ADAMTS12: variants seen among roughly 807,000 people sequenced by gnomAD.
ADAMTS12 encodes the protein ADAM metallopeptidase with thrombospondin type 1 motif 12.
Under a neutral mutation model 167.8 loss-of-function variants are expected in ADAMTS12, and 118 were observed. The ratio of observed to expected loss-of-function variants is 0.70; its 90% CI spans 0.61 to 0.82. The LOEUF (loss-of-function observed/expected upper bound fraction) is 0.82, where lower values mean the gene tolerates loss of function less well. Among genes scored for constraint, ADAMTS12 ranks in the 40% least tolerant of loss-of-function variants. The pLI, the probability that ADAMTS12 is intolerant of heterozygous loss-of-function variation, is 0.00. For synonymous variants in ADAMTS12, 704 were observed against 716.9 expected, an observed-to-expected ratio of 0.98 and a Z score of 0.29; for missense variants, 1,916 against 1,998.8, an observed-to-expected ratio of 0.96 and a Z score of 0.79.
At chr5:33,599,110 A>C (rs1459525978) in intron 16 of ADAMTS12, among the ~76,000 whole-genome samples, 1 of 152,182 alleles carries the variant, frequency 6.6e-6, no homozygotes, top group African/African-American at 2.4e-5. Context: ...CAGGCATTTG[A>C]GTCTTCCTAG....
chr5:33,597,298 C>T (rs4407634), intron 16 of ADAMTS12, among the ~76,000 whole-genome samples: 71,922 of 152,002 alleles, frequency 0.47, 17,822 homozygotes, highest in South Asian at 0.6. Flanking sequence ...ACATGTGACA[C>T]GTGAAACACT....
chr5:33,593,285 G>T (rs577168015), intron 17 of ADAMTS12, among the ~76,000 whole-genome samples: 1 of 152,268 alleles, frequency 6.6e-6, no homozygotes, highest in African/African-American at 2.4e-5. Flanking sequence ...AAATGTAGGG[G>T]ATTCTGGTTC....
intron 13 of ADAMTS12, among the ~76,000 whole-genome samples, chr5:33,625,819 T>C (rs1404285706): frequency 6.6e-6 from 1 of 152,152 alleles, no homozygotes; most frequent in Non-Finnish European, 1.5e-5. Context: ...TGCAGTACAA[T>C]AAAAACTGAA....
Position 33,847,623 on chromosome 5 carries a change from CA to C in ADAMTS12, c.489+33495del, listed in dbSNP as rs34289930. 9.2e-4 allele frequency among the ~76,000 whole-genome samples: 121 copies of C among 132,088 alleles called. No homozygotes were observed. In the East Asian group the frequency reaches 0.011, roughly 12 times the overall value. The allele number at this position is 132,088 out of a possible 152,430, so 86.7% of individuals were successfully genotyped here. On this transcript the variant is annotated intron_variant, in intron 2 of 23. Coordinates refer to ENST00000504830, the MANE Select transcript of ADAMTS12 (RefSeq NM_030955.4). ...GGGCAACAAGAGCAAAACTCCATCT[CA>C]AAAAAAAAAAGAAAGAAAGAAAGAA...
At chr5:33,707,844 A>C (rs1256940390) in intron 3 of ADAMTS12, among the ~76,000 whole-genome samples, 1 of 152,260 alleles carries the variant, frequency 6.6e-6, no homozygotes, top group Non-Finnish European at 1.5e-5. Flanking sequence ...TAAAACCATA[A>C]AAACTCTAGA....
intron 20 of ADAMTS12, among the ~76,000 whole-genome samples, chr5:33,551,124 G>A (rs555594193): frequency 7.0e-4 from 107 of 152,194 alleles, no homozygotes; most frequent in African/African-American, 2.3e-3. Context: ...TGGCTATGGT[G>A]GAATAGCCAT....
rs756516706 is a variant in ADAMTS12, at chr5:33,881,423, G to A, written c.185C>T (p.Ala62Val). The A allele has an allele frequency of 1.2e-6, 2 of 1,613,994 alleles. No homozygotes were observed. Among genetic ancestry groups the A allele is most frequent in the Admixed American group, 3.3e-5 (2 of 60,016 alleles). ...YHVVGPVRVD[A>V]SGHFLSYGLH... ...GCCATATGACAAAAAATGCCCACTG[G>A]CATCTACTCGGACTGGACCCACCAC... The change falls in exon 2 of 24, where the codon GCC becomes GTC. Residue 62 changes from alanine to valine, a missense_variant. Transcript: ENST00000504830.
intron 2 of ADAMTS12, among the ~76,000 whole-genome samples, chr5:33,839,902 C>T (rs1027366131): frequency 6.6e-6 from 1 of 152,200 alleles, no homozygotes; most frequent in African/African-American, 2.4e-5. Flanking sequence ...CTGTGTTTTA[C>T]TAGGGCTGAA....
At chr5:33,573,437 A>G (rs1746498978) in intron 19 of ADAMTS12, among the ~76,000 whole-genome samples, 1 of 152,208 alleles carries the variant, frequency 6.6e-6, no homozygotes, top group Non-Finnish European at 1.5e-5. Flanking sequence ...GCCCTCAGAA[A>G]TAATGCCACG....
chr5:33,833,654 T>C lies in ADAMTS12; in HGVS notation c.489+47465A>G, dbSNP rs567542268. 2.0e-5 allele frequency among the ~76,000 whole-genome samples: 3 copies of C among 152,294 alleles called. No individual in the cohort carries two copies. In the South Asian group the frequency reaches 6.2e-4, roughly 32 times the overall value. On this transcript the variant is annotated intron_variant, in intron 2 of 23. Coordinates refer to ENST00000504830, the MANE Select transcript of ADAMTS12 (RefSeq NM_030955.4). ...TTCAACCAAGGAAGAAAAAAAGTTT[T>C]CTCTACAATGCTCTACACCTGCAAA... is the stretch of plus-strand genomic sequence containing the variant.
chr5:33,675,870 C>G (rs1741882611), intron 5 of ADAMTS12, among the ~76,000 whole-genome samples: 1 of 152,054 alleles, frequency 6.6e-6, no homozygotes, highest in East Asian at 1.9e-4. Context: ...TTGAGGCAGC[C>G]CTAAGCACAC....
chr5:33,805,780 T>C (rs73759399), intron 2 of ADAMTS12, among the ~76,000 whole-genome samples: 1,630 of 152,146 alleles, frequency 0.011, 29 homozygotes, highest in African/African-American at 0.038. Context: ...TCCCAGCACT[T>C]TGGGAGGTGA....
At chr5:33,655,693 G>A (rs1305906151) in intron 7 of ADAMTS12, among the ~76,000 whole-genome samples, 1 of 150,622 alleles carries the variant, frequency 6.6e-6, no homozygotes, top group Admixed American at 6.6e-5. Flanking sequence ...AGAATGTGCA[G>A]GTTTGTTACA....
intron 22 of ADAMTS12, 22 bp from the exon 23 acceptor site, chr5:33,535,014 G>A (rs1251773875): frequency 6.3e-7 from 1 of 1,579,138 alleles, no homozygotes; most frequent in Middle Eastern, 2.0e-4. Flanking sequence ...GGTGAACAGA[G>A]AGTCAGAAGT....
chr5:33,742,305 T>C (rs1235079759), intron 3 of ADAMTS12, among the ~76,000 whole-genome samples: 1 of 137,956 alleles, frequency 7.2e-6, no homozygotes, highest in Non-Finnish European at 1.5e-5. Flanking sequence ...TGATGTCAAA[T>C]CTAACAAGTA....
intron 2 of ADAMTS12, among the ~76,000 whole-genome samples, chr5:33,868,316 A>C (rs1749907269): frequency 6.6e-6 from 1 of 152,192 alleles, no homozygotes; most frequent in Admixed American, 6.5e-5. Context: ...TCAGAAGGAG[A>C]AAGGAAGATG....
chr5:33,732,476 T>C (rs1744228842), intron 3 of ADAMTS12, among the ~76,000 whole-genome samples: 1 of 152,168 alleles, frequency 6.6e-6, no homozygotes, highest in Non-Finnish European at 1.5e-5. Context: ...AATAATCCTA[T>C]TAAAAATGAT....
chr5:33,617,688 T>C (rs944921781), intron 14 of ADAMTS12, among the ~76,000 whole-genome samples: 1 of 152,180 alleles, frequency 6.6e-6, no homozygotes, highest in African/African-American at 2.4e-5. Flanking sequence ...ATACTTAGGA[T>C]GTTGCATGCC....
intron 20 of ADAMTS12, among the ~76,000 whole-genome samples, chr5:33,559,915 T>G (rs947852367): frequency 1.9e-4 from 29 of 152,102 alleles, no homozygotes; most frequent in Admixed American, 1.5e-3. Flanking sequence ...AGAAGATCAG[T>G]GCAGGGAGTA....
Sources: gnomAD v4.1 joint callset for allele counts (sites outside exome capture counted in the v4.1 genomes callset) on GRCh38, gnomAD v4.1.1 for gene constraint, MANE v1.5 for transcripts, NCBI Gene and HGNC (gene_info 2026-07-23, HGNC 2026-07-21) for gene names.